The following MCM9 variants were observed in gnomAD, a reference collection of about 807,000 sequenced individuals.
MCM9 encodes DNA helicase MCM9.
Under a neutral mutation model 72.8 loss-of-function variants are expected in MCM9, and 55 were observed. That is an observed-to-expected ratio of 0.76 (90% CI 0.61 to 0.95). The LOEUF is 0.95. MCM9 is among the 40% of genes least tolerant of loss of function. MCM9 has a pLI of 0.00. For missense variants in MCM9, 1,279 were observed against 1,377.0 expected, an observed-to-expected ratio of 0.93 and a Z score of 1.13; for synonymous variants, 480 against 503.4, an observed-to-expected ratio of 0.95 and a Z score of 0.62.
chr6:118,907,041 C>T (rs1780230723), intron 8 of MCM9, among the ~76,000 whole-genome samples: 1 of 152,100 alleles, frequency 6.6e-6, no homozygotes, highest in African/African-American at 2.4e-5. Flanking sequence ...TGAAAACATA[C>T]CAATCTAAAC....
chr6:118,916,949 G>C (rs1781014219), intron 6 of MCM9, among the ~76,000 whole-genome samples: 1 of 152,158 alleles, frequency 6.6e-6, no homozygotes, highest in South Asian at 2.1e-4. Flanking sequence ...TGTCTCCATG[G>C]AGAAATGAAA....
chr6:118,868,693 A>T (rs964173399), intron 8 of MCM9, among the ~76,000 whole-genome samples: 5 of 152,262 alleles, frequency 3.3e-5, no homozygotes, highest in Admixed American at 2.0e-4. Context: ...CATTAGAGAA[A>T]TGCAAATGAA....
intron 8 of MCM9, among the ~76,000 whole-genome samples, chr6:118,903,946 G>C (rs1404121141): frequency 6.6e-6 from 1 of 152,172 alleles, no homozygotes; most frequent in African/African-American, 2.4e-5. Flanking sequence ...CTAGAACAAT[G>C]GTGGAGTTAA....
At chr6:118,934,433 G>C (rs1156268595) in intron 1 of MCM9, 1 of 152,136 alleles carries the variant, frequency 6.6e-6, no homozygotes, top group Non-Finnish European at 1.5e-5. Context: ...GAAGACAGGA[G>C]AGTGCCTAAC....
At chr6:118,847,386 C>A (rs1775935805) in intron 9 of MCM9, among the ~76,000 whole-genome samples, 2 of 126,456 alleles carry the variant, frequency 1.6e-5, no homozygotes. Context: ...GTAATATACC[C>A]ATGTAACAAA....
At chr6:118,904,779 T>A (rs1488606935) in intron 8 of MCM9, among the ~76,000 whole-genome samples, 1 of 152,246 alleles carries the variant, frequency 6.6e-6, no homozygotes, top group African/African-American at 2.4e-5. Context: ...CTATTCATAA[T>A]AGAGGATTAT....
intron 2 of MCM9, 101 bp from the exon 3 acceptor site, chr6:118,931,839 T>A: frequency 1.2e-6 from 1 of 832,928 alleles, no homozygotes; most frequent in Non-Finnish European, 1.8e-6. Flanking sequence ...CTTTGGGTCA[T>A]ACTATAATCA....
intron 13 of MCM9, among the ~76,000 whole-genome samples, chr6:118,822,296 G>A (rs571503910): frequency 6.6e-6 from 1 of 152,260 alleles, no homozygotes; most frequent in Admixed American, 6.5e-5. Flanking sequence ...CCTTAGGATG[G>A]GGTTTTTGTG....
At chr6:118,922,131 G>T in intron 4 of MCM9, 45 bp from the exon 5 acceptor site, 1 of 1,418,704 alleles carries the variant, frequency 7.0e-7, no homozygotes, top group Non-Finnish European at 9.8e-7. Flanking sequence ...TTAAATACAT[G>T]TTAAGTATCC....
intron 8 of MCM9, among the ~76,000 whole-genome samples, chr6:118,896,519 A>C (rs1779430625): frequency 6.6e-6 from 1 of 152,190 alleles, no homozygotes; most frequent in Non-Finnish European, 1.5e-5. Context: ...TTCCATTTTT[A>C]ACTGGGATCC....
chr6:118,929,635 C>T (rs1782215716), intron 3 of MCM9, among the ~76,000 whole-genome samples: 1 of 152,116 alleles, frequency 6.6e-6, no homozygotes, highest in African/African-American at 2.4e-5. Flanking sequence ...ATTTCGACAA[C>T]ATTAACTAAA....
chr6:118,849,017 C>T (rs1032515434), intron 9 of MCM9, among the ~76,000 whole-genome samples: 1 of 151,670 alleles, frequency 6.6e-6, no homozygotes, highest in Non-Finnish European at 1.5e-5. Context: ...TTGATTATAC[C>T]AATAAATGTA....
intron 8 of MCM9, among the ~76,000 whole-genome samples, chr6:118,898,593 C>T (rs912889379): frequency 5.3e-5 from 8 of 151,826 alleles, no homozygotes; most frequent in Non-Finnish European, 1.2e-4. Context: ...AATTTTTGTA[C>T]TTTTAGTAGA....
intron 3 of MCM9, among the ~76,000 whole-genome samples, chr6:118,925,814 C>A (rs1475033958): frequency 1.3e-5 from 2 of 152,082 alleles, no homozygotes; most frequent in Admixed American, 6.6e-5. Flanking sequence ...CTCTTGTTTA[C>A]CTGGCCTTAA....
At chr6:118,888,369 C>T (rs992331903) in intron 8 of MCM9, among the ~76,000 whole-genome samples, 5 of 152,064 alleles carry the variant, frequency 3.3e-5, no homozygotes, top group African/African-American at 1.2e-4. Context: ...CGCCTGTAGT[C>T]CCAGCTACTC....
rs1383267160 is a variant in MCM9 at position 118,893,484 on chromosome 6, A to G, written c.1150+18166T>C. The stretch of plus-strand genomic sequence containing the variant: ...AGGACTTCCCAGATCTGGACTCCGA[A>G]GAAGACGCCCAGGTGCAAGCCCAAA... On this transcript the variant is annotated intron_variant, in intron 8 of 13. Transcript: ENST00000619706. Among the ~76,000 whole-genome samples, 3 of 152,112 alleles carry G rather than the reference A, an allele frequency of 2.0e-5. No homozygotes were observed. In the East Asian group the frequency reaches 5.8e-4, roughly 29 times the overall value.
chr6:118,851,462 T>C (rs1776221036), intron 9 of MCM9, among the ~76,000 whole-genome samples: 1 of 151,918 alleles, frequency 6.6e-6, no homozygotes, highest in Admixed American at 6.5e-5. Flanking sequence ...ACTAAATATC[T>C]TTTAAAATGC....
chr6:118,828,449 G>A (rs1449975649), intron 10 of MCM9, among the ~76,000 whole-genome samples: 3 of 151,588 alleles, frequency 2.0e-5, no homozygotes, highest in Admixed American at 1.3e-4. Context: ...GCAGTAGCAC[G>A]ATCTCTGTTC....
Position 118,829,856 on chromosome 6 carries a change from C to T in MCM9, c.1326-606G>A, listed in dbSNP as rs116475530. Among the ~76,000 whole-genome samples, 735 of 151,306 alleles carry T rather than the reference C, an allele frequency of 4.9e-3. 9 individuals carry two copies. Among genetic ancestry groups the T allele is most frequent in the African/African-American group, 0.017 (710 of 41,148 alleles). On this transcript the variant is annotated intron_variant, in intron 9 of 13. Coordinates refer to ENST00000619706, the MANE Select transcript of MCM9 (RefSeq NM_017696.3). The stretch of plus-strand genomic sequence containing the variant: ...CACTCATTTTGTTTTGATTTTTTTT[C>T]TAAACACGAAAGAAACAAAAAAGAG...
Sources: allele counts gnomAD v4.1 joint callset (sites outside exome capture counted in the v4.1 genomes callset), GRCh38; gene constraint gnomAD v4.1.1; transcripts MANE v1.5; gene names NCBI Gene and HGNC (gene_info 2026-07-23, HGNC 2026-07-21).